MCF2L2: variants seen among roughly 807,000 people sequenced by gnomAD.
MCF2L2 encodes the protein MCF.2 cell line derived transforming sequence-like 2.
Under a neutral mutation model 150.2 loss-of-function variants are expected in MCF2L2, and 102 were observed. The ratio of observed to expected loss-of-function variants is 0.68; its 90% confidence interval spans 0.58 to 0.80. The LOEUF (loss-of-function observed/expected upper bound fraction) is 0.80, where lower values mean the gene tolerates loss of function less well. Ranked by LOEUF, MCF2L2 falls within the 30% of genes least tolerant of loss-of-function variation. The probability of loss-of-function intolerance (pLI) is 0.00; values close to 1 mark genes in which losing one functional copy is unlikely to be tolerated. For missense variants in MCF2L2, 1,256 were observed against 1,372.8 expected, an observed-to-expected ratio of 0.91 and a Z score of 1.34; for synonymous variants, 465 against 491.3, an observed-to-expected ratio of 0.95 and a Z score of 0.71.
Position 183,239,604 on chromosome 3 carries a change from T to G in MCF2L2, c.1863-8587A>C, listed in dbSNP as rs1332215151. ...CCCCCTTCCCCGCCTCCCCGCCGTT[T>G]CTCAGTTCTCCAATAGGGATCCAGT... On this transcript the variant is annotated intron_variant, in intron 15 of 29. Transcript: ENST00000328913. Among the ~76,000 whole-genome samples the G allele has an allele frequency of 2.0e-5, 3 of 149,526 alleles. No individual in the cohort carries two copies. In the East Asian group the frequency reaches 6.2e-4, roughly 31 times the overall value.
At chr3:183,232,291 A>G (rs1723594662) in intron 15 of MCF2L2, among the ~76,000 whole-genome samples, 1 of 152,186 alleles carries the variant, frequency 6.6e-6, no homozygotes, top group Admixed American at 6.5e-5. Flanking sequence ...AACTTAGAAG[A>G]GGATCCAGAG....
intron 2 of MCF2L2, among the ~76,000 whole-genome samples, chr3:183,384,752 T>C (rs1387280817): frequency 6.6e-6 from 1 of 152,196 alleles, no homozygotes; most frequent in Non-Finnish European, 1.5e-5. Flanking sequence ...TCTTTCTCTA[T>C]TGTAATTCCC....
intron 13 of MCF2L2, among the ~76,000 whole-genome samples, chr3:183,292,556 TACACACACAC>T (rs58788215): frequency 1.9e-4 from 27 of 145,472 alleles, no homozygotes; most frequent in African/African-American, 3.3e-4. Context: ...AGGGGGTATG[TACACACACAC>T]ACACACACAC....
intron 27 of MCF2L2, among the ~76,000 whole-genome samples, chr3:183,188,693 C>T (rs1032494990): frequency 2.6e-5 from 4 of 152,180 alleles, no homozygotes; most frequent in South Asian, 4.1e-4. Context: ...TACAGCCTGG[C>T]GCGCTGGCTC....
Position 183,270,215 on chromosome 3 carries a change from A to G in MCF2L2, c.1862+6657T>C. 6.2e-7 allele frequency: 1 copy of G among 1,614,208 alleles called. No homozygotes were observed. The highest frequency in any genetic ancestry group is 8.5e-7 in the Non-Finnish European group (1 of 1,180,014). ...TAGGAACTCCTAATCCACTGGAGGGAGAAGAACTACAAAGAAAACTGGCTT... is the reference window on the plus strand; with the variant it reads ...TAGGAACTCCTAATCCACTGGAGGGGGAAGAACTACAAAGAAAACTGGCTT... On this transcript the variant is annotated intron_variant, in intron 15 of 29. Transcript: ENST00000328913. The surrounding 1 kb of genome is among the most constrained non-coding windows in gnomAD (Gnocchi z 4.5).
chr3:183,273,478 A>G (rs1726959142), intron 15 of MCF2L2: 1 of 152,634 alleles, frequency 6.6e-6, no homozygotes, highest in Non-Finnish European at 1.5e-5. Flanking sequence ...CCCTGTTCCT[A>G]TAGGATTATC....
At position 183,379,423 on chromosome 3, in the gene MCF2L2, A is replaced by C. The variant is rs1713386098; in HGVS notation, c.161-12T>G. 7 of 1,592,242 alleles carry C rather than the reference A, an allele frequency of 4.4e-6. No homozygotes were observed. Among genetic ancestry groups the C allele is most frequent in the African/African-American group, 1.3e-5 (1 of 74,408 alleles). ...CTCCCCTCGGCCTCCTGCAACAAAA[A>C]CAGGTGGTCAAAATGTTAGCAAAAT... is the stretch of plus-strand genomic sequence containing the variant. On this transcript the variant is annotated splice_polypyrimidine_tract_variant and intron_variant, in intron 2 of 29. Coordinates refer to ENST00000328913, the MANE Select transcript of MCF2L2 (RefSeq NM_015078.4).
rs368013274 is a variant in MCF2L2 at position 183,363,605 on chromosome 3, T to C, written c.275+15692A>G. Among the ~76,000 whole-genome samples, 23 of 152,280 alleles carry C rather than the reference T, an allele frequency of 1.5e-4. No homozygotes were observed. In the East Asian group the frequency reaches 3.3e-3, roughly 22 times the overall value. On this transcript the variant is annotated intron_variant, in intron 3 of 29. Transcript: ENST00000328913. ...CAAAAAAATAATTAGCCAGGCATAATGGTGCATGTCTGTAGACCCAGCTAC... is the reference window on the plus strand; with the variant it reads ...CAAAAAAATAATTAGCCAGGCATAACGGTGCATGTCTGTAGACCCAGCTAC...
At chr3:183,292,583 A>ACATG (rs2108485291) in intron 13 of MCF2L2, among the ~76,000 whole-genome samples, 1 of 151,878 alleles carries the variant, frequency 6.6e-6, no homozygotes, top group South Asian at 2.1e-4. Context: ...ACACACACAC[A>ACATG]CACACATGCA....
intron 10 of MCF2L2, among the ~76,000 whole-genome samples, chr3:183,308,800 C>T (rs900928210): frequency 2.6e-5 from 4 of 152,150 alleles, no homozygotes; most frequent in Admixed American, 6.5e-5. Flanking sequence ...TTCTAATTAG[C>T]GCTTACTCAG....
intron 5 of MCF2L2, among the ~76,000 whole-genome samples, chr3:183,337,552 CAAA>C (rs61184812): frequency 4.2e-5 from 3 of 71,958 alleles, no homozygotes; most frequent in Non-Finnish European, 3.0e-5. Context: ...GACTCCATCT[CAAA>C]AAAAAAAAAA....
chr3:183,394,283 T>C (rs1393787431), intron 1 of MCF2L2, among the ~76,000 whole-genome samples: 1 of 152,220 alleles, frequency 6.6e-6, no homozygotes, highest in Non-Finnish European at 1.5e-5. Context: ...ATAACATGAA[T>C]AGGGCACCAG....
At chr3:183,212,044 G>A (rs1307042292) in intron 22 of MCF2L2, among the ~76,000 whole-genome samples, 1 of 152,176 alleles carries the variant, frequency 6.6e-6, no homozygotes, top group African/African-American at 2.4e-5. Context: ...AAGAAATGGA[G>A]ACGCACGCTG....
chr3:183,195,353 G>C, intron 25 of MCF2L2, 98 bp from the exon 26 acceptor site: 2 of 785,406 alleles, frequency 2.5e-6, no homozygotes, highest in Admixed American at 2.4e-5. Context: ...TGCATAAAGA[G>C]AATACTATAA....
At chr3:183,345,311 G>C (rs1256939932) in intron 3 of MCF2L2, among the ~76,000 whole-genome samples, 1 of 152,162 alleles carries the variant, frequency 6.6e-6, no homozygotes, top group Non-Finnish European at 1.5e-5. Flanking sequence ...AACTGCTCCT[G>C]AATGACTAGT....
At chr3:183,191,042 T>C (rs1028946650) in intron 27 of MCF2L2, among the ~76,000 whole-genome samples, 10 of 151,794 alleles carry the variant, frequency 6.6e-5, no homozygotes, top group Non-Finnish European at 1.2e-4. Flanking sequence ...TGTACCACCA[T>C]GCCCGGCTAA....
At chr3:183,255,952 A>G (rs1379872846) in intron 15 of MCF2L2, among the ~76,000 whole-genome samples, 2 of 152,176 alleles carry the variant, frequency 1.3e-5, no homozygotes, top group Non-Finnish European at 2.9e-5. Flanking sequence ...TTCACATTGT[A>G]AAGGGTCCAG....
At chr3:183,243,156 G>A (rs1724105756) in intron 15 of MCF2L2, among the ~76,000 whole-genome samples, 1 of 152,222 alleles carries the variant, frequency 6.6e-6, no homozygotes, top group Non-Finnish European at 1.5e-5. Flanking sequence ...TGTTTCAGAT[G>A]AGACTTTGAA....
chr3:183,383,072 T>C (rs913864366), intron 2 of MCF2L2, among the ~76,000 whole-genome samples: 2 of 152,150 alleles, frequency 1.3e-5, no homozygotes, highest in Admixed American at 1.3e-4. Flanking sequence ...TGACCCATTC[T>C]CCATAATAAA....
Sources: allele counts gnomAD v4.1 joint callset (sites outside exome capture counted in the v4.1 genomes callset), GRCh38; gene constraint gnomAD v4.1.1; non-coding constraint Gnocchi (gnomAD v3.1); transcripts MANE v1.5; gene names NCBI Gene and HGNC (gene_info 2026-07-23, HGNC 2026-07-21).